The following RPRD1A variants were observed in gnomAD, a reference collection of about 807,000 sequenced individuals.
The protein encoded by RPRD1A is regulation of nuclear pre-mRNA domain-containing protein 1A.
RPRD1A carries 9 observed loss-of-function variants against 37.8 expected under a neutral mutation model. The observed-to-expected ratio is 0.24, with a 90% CI of 0.14 to 0.42. The LOEUF (loss-of-function observed/expected upper bound fraction) is 0.42. Among genes scored for constraint, RPRD1A ranks in the 10% least tolerant of loss-of-function variants. The probability of loss-of-function intolerance (pLI) is 1.00; values close to 1 mark genes in which losing one functional copy is unlikely to be tolerated. For synonymous variants in RPRD1A, 138 were observed against 139.7 expected (o/e 0.99, Z 0.08); for missense variants, 255 against 371.0 (o/e 0.69, Z 2.57).
At chr18:36,015,942 T>A (rs1420026949) in intron 6 of RPRD1A, among the ~76,000 whole-genome samples, 1 of 152,238 alleles carries the variant, frequency 6.6e-6, no homozygotes, top group Non-Finnish European at 1.5e-5. Context: ...AAATGCTTAA[T>A]ATGGCAAATT....
At chr18:36,008,191 G>C (rs1184612200) in intron 6 of RPRD1A, among the ~76,000 whole-genome samples, 2 of 151,978 alleles carry the variant, frequency 1.3e-5, no homozygotes, top group African/African-American at 4.8e-5. Context: ...ATTTTTAAAA[G>C]GCATTGTCTG....
At chr18:36,050,702 A>G (rs1913319011) in intron 1 of RPRD1A, among the ~76,000 whole-genome samples, 3 of 147,576 alleles carry the variant, frequency 2.0e-5, no homozygotes, top group African/African-American at 7.6e-5. Flanking sequence ...ACAACCAGCT[A>G]ATTTTTGTAT....
At chr18:36,022,391 GGAA>G (rs1291471018) in intron 6 of RPRD1A, among the ~76,000 whole-genome samples, 3 of 152,212 alleles carry the variant, frequency 2.0e-5, no homozygotes, top group Non-Finnish European at 2.9e-5. Flanking sequence ...GCCTGGTACT[GGAA>G]GAAGATGCCA....
chr18:36,023,375 G>GA (rs897384203), intron 6 of RPRD1A, among the ~76,000 whole-genome samples: 3 of 152,280 alleles, frequency 2.0e-5, no homozygotes, highest in African/African-American at 7.2e-5. Flanking sequence ...GCAAGAGAAC[G>GA]AGACACAGAA....
At chr18:36,065,519 T>C (rs1457946800) in intron 1 of RPRD1A, among the ~76,000 whole-genome samples, 1 of 152,220 alleles carries the variant, frequency 6.6e-6, no homozygotes, top group Non-Finnish European at 1.5e-5. Context: ...AGGGTCTCAC[T>C]TGTTTTCAAT....
intron 1 of RPRD1A, among the ~76,000 whole-genome samples, chr18:36,060,008 T>C (rs1325752611): frequency 2.0e-5 from 3 of 152,224 alleles, no homozygotes; most frequent in Non-Finnish European, 4.4e-5. Flanking sequence ...TACTTACTTT[T>C]TCAATTCTAA....
intron 1 of RPRD1A, among the ~76,000 whole-genome samples, chr18:36,061,909 T>A (rs1469291105): frequency 6.6e-6 from 1 of 152,088 alleles, no homozygotes; most frequent in Non-Finnish European, 1.5e-5. Flanking sequence ...GAAATGCATA[T>A]CAAAATCATG....
intron 1 of RPRD1A, among the ~76,000 whole-genome samples, chr18:36,045,008 A>T (rs763998144): frequency 3.7e-4 from 56 of 152,242 alleles, no homozygotes; most frequent in Non-Finnish European, 2.6e-4. Context: ...GGGAGGCCAA[A>T]GTGGGTGGAT....
chr18:36,002,294 C>T (rs1445261828), intron 6 of RPRD1A, among the ~76,000 whole-genome samples: 2 of 152,244 alleles, frequency 1.3e-5, no homozygotes, highest in Admixed American at 1.3e-4. Flanking sequence ...TTTGTGGGGA[C>T]TTCTTTTCCA....
chr18:36,008,577 G>GTGTGTGTGTGTATATATA, intron 6 of RPRD1A, among the ~76,000 whole-genome samples: 1 of 47,800 alleles, frequency 2.1e-5, no homozygotes, highest in Non-Finnish European at 4.3e-5. Flanking sequence ...CCTTGTGTGT[G>GTGTGTGTGTGTATATATA]TATATATATA....
Position 36,067,527 on chromosome 18 carries a change from C to A in RPRD1A, c.-123G>T. On this transcript the variant is annotated 5_prime_UTR_variant, in exon 1 of 7. Coordinates refer to ENST00000399022, the MANE Select transcript of RPRD1A (RefSeq NM_018170.5). ...CCCCACGCTCTCACCACGGCCGCCG[C>A]TTCATCCAAGACCGGCCGCAAACCA... 9.3e-7 allele frequency: 1 copy of A among 1,069,556 alleles called. No individual in the cohort carries two copies. The highest frequency in any genetic ancestry group is 2.9e-5 in the East Asian group (1 of 34,160). The allele number at this position is 1,069,556 out of a possible 1,614,324, so 66.3% of individuals were successfully genotyped here. A position where few individuals can be genotyped will look rare whatever the true frequency, so the allele number is the denominator to read the frequency against.
intron 6 of RPRD1A, among the ~76,000 whole-genome samples, chr18:36,002,158 A>G (rs1909462467): frequency 6.6e-6 from 1 of 152,106 alleles, no homozygotes; most frequent in Non-Finnish European, 1.5e-5. Flanking sequence ...GTCTGTCACT[A>G]ATTTTTAAAA....
chr18:36,055,630 TAAC>T (rs1320769681), intron 1 of RPRD1A, among the ~76,000 whole-genome samples: 2 of 152,100 alleles, frequency 1.3e-5, no homozygotes, highest in Non-Finnish European at 1.5e-5. Flanking sequence ...TCAGATACCG[TAAC>T]AAATTAAAGT....
Position 36,067,535 on chromosome 18 carries a change from A to G in RPRD1A, c.-131T>C. ...TCTCACCACGGCCGCCGCTTCATCC[A>G]AGACCGGCCGCAAACCAGCAAGATG... is the stretch of plus-strand genomic sequence containing the variant. On this transcript the variant is annotated 5_prime_UTR_variant, in exon 1 of 7. Transcript: ENST00000399022. 2 of 922,506 alleles carry G rather than the reference A, an allele frequency of 2.2e-6. No homozygotes were observed. The highest frequency in any genetic ancestry group is 3.8e-5 in the South Asian group (2 of 53,076). 57.1% of individuals were successfully genotyped at this position (922,506 alleles called of 1,614,324 possible). A position where few individuals can be genotyped will look rare whatever the true frequency, so the allele number is the denominator to read the frequency against.
intron 6 of RPRD1A, chr18:36,025,528 G>C: frequency 1.4e-6 from 1 of 711,980 alleles, no homozygotes; most frequent in Non-Finnish European, 2.0e-6. Context: ...CATCATAAGT[G>C]AGAAAGTATA....
At chr18:36,000,086 A>G (rs969632514) in intron 6 of RPRD1A, among the ~76,000 whole-genome samples, 23 of 152,172 alleles carry the variant, frequency 1.5e-4, no homozygotes, top group African/African-American at 5.3e-4. Flanking sequence ...AAGACATTCC[A>G]TGATGTCAGG....
At chr18:36,063,136 G>A (rs1362021383) in intron 1 of RPRD1A, 1 of 152,114 alleles carries the variant, frequency 6.6e-6, no homozygotes, top group African/African-American at 2.4e-5. Context: ...TAACTGAATG[G>A]CTACCATTAT....
rs553001446 is a variant in RPRD1A, at chr18:36,019,795, T to C, written c.789+7105A>G. Among the ~76,000 whole-genome samples, 3 of 152,250 alleles carry C rather than the reference T, an allele frequency of 2.0e-5. No homozygotes were observed. In the East Asian group the frequency reaches 5.8e-4, roughly 29 times the overall value. On this transcript the variant is annotated intron_variant, in intron 6 of 6. Transcript: ENST00000399022. ...TGGCTCACGCCTGTAATCTCAGCAC[T>C]CTGGGGGACCGAGGTGAGCGGGTCA...
rs570663876 is a variant in RPRD1A, at chr18:36,022,069, A to G, written c.789+4831T>C. Among the ~76,000 whole-genome samples, 5 of 152,376 alleles carry G rather than the reference A, an allele frequency of 3.3e-5. No individual in the cohort carries two copies. The South Asian group carries it at 6.2e-4, about 19-fold the overall frequency. ...CTAAACAGCCTTACTGGTGATATGT[A>G]GGAAGTTTCAGTAGTCTGGATAGAA... On this transcript the variant is annotated intron_variant, in intron 6 of 6. Transcript: ENST00000399022.
Sources: gnomAD v4.1 joint callset for allele counts (sites outside exome capture counted in the v4.1 genomes callset) on GRCh38, gnomAD v4.1.1 for gene constraint, MANE v1.5 for transcripts, NCBI Gene and HGNC (gene_info 2026-07-23, HGNC 2026-07-21) for gene names.